The following KNDC1 variants were observed in gnomAD, a reference collection of about 807,000 sequenced individuals.
KNDC1 encodes kinase non-catalytic C-lobe domain-containing protein 1.
Under a neutral mutation model 172.8 loss-of-function variants are expected in KNDC1, and 106 were observed. That is an observed-to-expected ratio of 0.61 (90% CI 0.52 to 0.72). The LOEUF (loss-of-function observed/expected upper bound fraction) is 0.72. Among genes scored for constraint, KNDC1 ranks in the 30% least tolerant of loss-of-function variants. The probability of loss-of-function intolerance (pLI) is 0.00; values close to 1 mark genes in which losing one functional copy is unlikely to be tolerated. For synonymous variants in KNDC1, 1,083 were observed against 1,062.2 expected, an observed-to-expected ratio of 1.02 and a Z score of -0.38; for missense variants, 2,325 against 2,394.5, an observed-to-expected ratio of 0.97 and a Z score of 0.61.
Position 133,207,319 on chromosome 10 carries a change from G to A in KNDC1, c.3762G>A (p.Thr1254=), listed in dbSNP as rs201351562. 89 of 1,612,772 alleles carry A rather than the reference G, an allele frequency of 5.5e-5. No individual in the cohort carries two copies. Among genetic ancestry groups the A allele is most frequent in the Admixed American group, 2.3e-4 (14 of 60,008 alleles). The change falls in exon 20 of 30, where the codon ACG becomes ACA. Residue 1254 remains threonine, a synonymous_variant. Coordinates refer to ENST00000304613, the MANE Select transcript of KNDC1 (RefSeq NM_152643.8). Reference sequence around the variant, plus strand: ...AGGCCCGCATCCTGCAGGCCGGCACGCCGCTGGGGCTCATGGCCTACCTGT... The same window carrying A: ...AGGCCCGCATCCTGCAGGCCGGCACACCGCTGGGGCTCATGGCCTACCTGT... ...RQKARILQAG[T]PLGLMAYLYS...
intron 3 of KNDC1, among the ~76,000 whole-genome samples, chr10:133,174,784 T>A (rs573720710): frequency 4.9e-4 from 73 of 149,758 alleles, no homozygotes; most frequent in African/African-American, 1.4e-3. Flanking sequence ...GGTGGGTATG[T>A]GGATGGACGA....
intron 7 of KNDC1, among the ~76,000 whole-genome samples, chr10:133,189,073 G>A (rs1195696402): frequency 6.6e-6 from 1 of 152,186 alleles, no homozygotes; most frequent in East Asian, 1.9e-4. Context: ...GAGTGGGGAG[G>A]GAATCTTCAG....
chr10:133,204,638 G>A (rs1854473309), intron 17 of KNDC1, among the ~76,000 whole-genome samples: 1 of 152,238 alleles, frequency 6.6e-6, no homozygotes, highest in Non-Finnish European at 1.5e-5. Context: ...GCGGATTCAA[G>A]TAGTTAAATA....
intron 5 of KNDC1, among the ~76,000 whole-genome samples, chr10:133,184,334 G>A (rs1463243316): frequency 1.6e-5 from 2 of 123,076 alleles, no homozygotes; most frequent in Non-Finnish European, 3.5e-5. Flanking sequence ...ACACACCTAT[G>A]CACATGTGCT....
intron 29 of KNDC1, among the ~76,000 whole-genome samples, chr10:133,222,099 T>G (rs67410124): frequency 0.02 from 2,448 of 125,510 alleles, 183 homozygotes; most frequent in African/African-American, 0.07. Context: ...CTGGCCAACA[T>G]GGTGAAACCC....
intron 10 of KNDC1, among the ~76,000 whole-genome samples, chr10:133,196,426 G>A (rs1207934430): frequency 1.3e-5 from 2 of 152,096 alleles, no homozygotes; most frequent in Non-Finnish European, 2.9e-5. Context: ...GGGAGGAGCC[G>A]AGCTGGGTGT....
intron 28 of KNDC1, among the ~76,000 whole-genome samples, 168 bp downstream of exon 28, chr10:133,219,258 T>G (rs1343213477): frequency 6.6e-6 from 1 of 152,224 alleles, no homozygotes; most frequent in Non-Finnish European, 1.5e-5. Flanking sequence ...CGGCAGGGCC[T>G]CTGTTGCCAC....
chr10:133,169,189 G>A (rs923097216), intron 3 of KNDC1, among the ~76,000 whole-genome samples: 1 of 152,240 alleles, frequency 6.6e-6, no homozygotes, highest in African/African-American at 2.4e-5. Context: ...GGCTGGGCAT[G>A]GTGGCTCACT....
At chr10:133,183,269 C>A (rs1193536660) in intron 3 of KNDC1, 75 bp from the exon 4 acceptor site, 1 of 1,455,736 alleles carries the variant, frequency 6.9e-7, no homozygotes, top group African/African-American at 1.4e-5. Flanking sequence ...AGCTCCTGGC[C>A]CGGAGAAGTG....
chr10:133,219,921 C>T, intron 28 of KNDC1, 34 bp from the exon 29 acceptor site: 1 of 1,539,824 alleles, frequency 6.5e-7, no homozygotes, highest in Non-Finnish European at 8.8e-7. Context: ...CACGCCCTGT[C>T]TCTCCCCGGC....
chr10:133,214,183 C>G, intron 26 of KNDC1, 61 bp downstream of exon 26: 1 of 1,576,426 alleles, frequency 6.3e-7, no homozygotes, highest in South Asian at 1.1e-5. Context: ...GCGGGGGTGG[C>G]AGCGCCTCCT....
intron 24 of KNDC1, 49 bp from the exon 25 acceptor site, chr10:133,213,596 G>A: frequency 6.5e-7 from 1 of 1,531,720 alleles, no homozygotes; most frequent in South Asian, 1.1e-5. Context: ...TTGGACACAA[G>A]GCCCTAAGGG....
At chr10:133,176,804 C>G (rs1853549792) in intron 3 of KNDC1, among the ~76,000 whole-genome samples, 1 of 152,212 alleles carries the variant, frequency 6.6e-6, no homozygotes, top group African/African-American at 2.4e-5. Context: ...ACCCCTGCAT[C>G]TAGGCTGAGG....
Position 133,211,844 on chromosome 10 carries a change from G to A in KNDC1, c.4222G>A (p.Gly1408Ser), listed in dbSNP as rs201175312. Residue 1408 changes from glycine to serine, a missense_variant, in exon 23 of 30, where the codon GGC becomes AGC. Gly to Ser is a moderately conservative substitution (Grantham distance 56). Transcript: ENST00000304613. ...CCTCTGTAAGAGGCTCTCAGAGGAC[G>A]GCATCTCCAGGAAGGTGGGGTCCTT... ...NALCKRLSED[G>S]ISRKSFPWRL... is the part of the protein sequence containing the mutation. 8.3e-5 allele frequency: 133 copies of A among 1,606,744 alleles called. No individual in the cohort carries two copies. Among genetic ancestry groups the A allele is most frequent in the Non-Finnish European group, 1.1e-4 (126 of 1,178,522 alleles).
intron 14 of KNDC1, 72 bp from the exon 15 acceptor site, chr10:133,199,368 GATCAGCCTTGTCCGTTTC>G (rs1854299093): frequency 6.4e-7 from 1 of 1,570,046 alleles, no homozygotes; most frequent in Non-Finnish European, 8.6e-7. Context: ...CCCCAGCCGA[GATCAGCCTTGTCCGTTTC>G]ATCAGCCACA....
chr10:133,183,997 C>A lies in KNDC1; in HGVS notation c.625+8C>A, dbSNP rs773174645. ...CCTTCGGAGCGCTGCAGGGTGAGTT[C>A]TTGAACCCACACACGTGCATCCTCA... On this transcript the variant is annotated splice_region_variant and intron_variant, in intron 5 of 29. Coordinates refer to ENST00000304613, the MANE Select transcript of KNDC1 (RefSeq NM_152643.8). 44 of 1,523,328 alleles carry A rather than the reference C, an allele frequency of 2.9e-5. No homozygotes were observed. The highest frequency in any genetic ancestry group is 8.3e-5 in the African/African-American group (6 of 72,334). The allele number at this position is 1,523,328 out of a possible 1,614,324, so 94.4% of individuals were successfully genotyped here. A position where few individuals can be genotyped will look rare whatever the true frequency, so the allele number is the denominator to read the frequency against.
intron 3 of KNDC1, among the ~76,000 whole-genome samples, chr10:133,183,073 C>A (rs1025887271): frequency 6.8e-6 from 1 of 147,514 alleles, no homozygotes; most frequent in East Asian, 2.0e-4. Context: ...GTGTGGGCGG[C>A]GTGGGCACGG....
In KNDC1 at chr10:133,220,026, G is replaced by T; in HGVS notation, c.4932G>T (p.Ser1644=). The T allele has an allele frequency of 6.4e-7, 1 of 1,555,564 alleles. No individual in the cohort carries two copies. The highest frequency in any genetic ancestry group is 1.9e-5 in the Admixed American group (1 of 51,416). The stretch of plus-strand genomic sequence containing the variant: ...TCCGGGCGCAGCCCACCCTGCCCTC[G>T]GCCCACCTCCTGGCCATGCACATCC... The part of the protein sequence containing the change: ...RRFRAQPTLP[S]AHLLAMHIQQ... The change falls in exon 29 of 30, where the codon TCG becomes TCT. Residue 1644 remains serine (S), a synonymous_variant. Transcript: ENST00000304613.
chr10:133,172,965 T>C (rs893633774), intron 3 of KNDC1, among the ~76,000 whole-genome samples: 5 of 152,202 alleles, frequency 3.3e-5, no homozygotes, highest in African/African-American at 1.2e-4. Flanking sequence ...ATTACCCCAC[T>C]GCACTCCAGC....
Sources: allele counts gnomAD v4.1 joint callset (sites outside exome capture counted in the v4.1 genomes callset), GRCh38; gene constraint gnomAD v4.1.1; transcripts MANE v1.5; gene names NCBI Gene and HGNC (gene_info 2026-07-23, HGNC 2026-07-21).